Variants in RBFOX1 observed in about 807,000 individuals in gnomAD.
RBFOX1 encodes the protein RNA binding protein fox-1 homolog 1.
RBFOX1 carries 8 observed loss-of-function variants against 57.7 expected under a neutral mutation model. The ratio of observed to expected loss-of-function variants is 0.14; its 90% CI spans 0.08 to 0.25. The LOEUF (loss-of-function observed/expected upper bound fraction) is 0.25, where lower values mean the gene tolerates loss of function less well. RBFOX1 is among the 10% of genes least tolerant of loss of function. The pLI, the probability that RBFOX1 is intolerant of heterozygous loss-of-function variation, is 1.00. For missense variants in RBFOX1, 611 were observed against 548.5 expected, an observed-to-expected ratio of 1.11 and a Z score of -1.14; for synonymous variants, 326 against 222.4, an observed-to-expected ratio of 1.47 and a Z score of -4.15.
At chr16:6,848,132 C>G (rs555566778) in intron 3 of RBFOX1, among the ~76,000 whole-genome samples, 2 of 152,016 alleles carry the variant, frequency 1.3e-5, no homozygotes, top group African/African-American at 2.4e-5. Context: ...TGTGCCCGAT[C>G]CAAGACTGTC....
At chr16:7,551,271 A>G (rs952367820) in intron 5 of RBFOX1, among the ~76,000 whole-genome samples, 1 of 152,080 alleles carries the variant, frequency 6.6e-6, no homozygotes. Context: ...AGAAACAACT[A>G]AAGTTTAGAA....
At chr16:7,411,321 C>G (rs2098422753) in intron 4 of RBFOX1, among the ~76,000 whole-genome samples, 1 of 152,100 alleles carries the variant, frequency 6.6e-6, no homozygotes, top group Non-Finnish European at 1.5e-5. Context: ...CAGGTCTCAT[C>G]CTCCTCAGTT....
intron 4 of RBFOX1, among the ~76,000 whole-genome samples, chr16:5,970,416 T>G (rs1005459832): frequency 2.0e-5 from 3 of 152,192 alleles, no homozygotes; most frequent in Admixed American, 6.5e-5. Flanking sequence ...GTCATTTTTT[T>G]GGGATTAAAA....
intron 3 of RBFOX1, among the ~76,000 whole-genome samples, chr16:6,672,710 G>T (rs548105652): frequency 2.6e-5 from 4 of 152,052 alleles, no homozygotes; most frequent in Non-Finnish European, 5.9e-5. Context: ...TGCTTTTCTT[G>T]GGTTTGGCTT....
At chr16:7,387,806 C>G (rs1053905976) in intron 4 of RBFOX1, among the ~76,000 whole-genome samples, 1 of 152,208 alleles carries the variant, frequency 6.6e-6, no homozygotes, top group Admixed American at 6.5e-5. Flanking sequence ...AAGCTCCGTA[C>G]GTGTAGGGCT....
chr16:6,458,876 T>C (rs2153059487), intron 2 of RBFOX1, among the ~76,000 whole-genome samples: 1 of 152,372 alleles, frequency 6.6e-6, no homozygotes. Context: ...CCAGAATTAC[T>C]GGAGGGTTAG....
intron 4 of RBFOX1, among the ~76,000 whole-genome samples, chr16:7,439,995 A>G (rs1598450403): frequency 7.4e-6 from 1 of 135,398 alleles, no homozygotes; most frequent in South Asian, 2.3e-4. Flanking sequence ...TCTGTCACTC[A>G]GGCTGCAGTG....
At chr16:6,900,304 C>T (rs985180471) in intron 3 of RBFOX1, among the ~76,000 whole-genome samples, 4 of 152,160 alleles carry the variant, frequency 2.6e-5, no homozygotes, top group Admixed American at 6.5e-5. Flanking sequence ...CACGAATATC[C>T]TGTTCCAAGT....
At chr16:7,364,737 C>T (rs1357588441) in intron 4 of RBFOX1, among the ~76,000 whole-genome samples, 1 of 152,130 alleles carries the variant, frequency 6.6e-6, no homozygotes, top group Non-Finnish European at 1.5e-5. Flanking sequence ...AGTCCCAGGG[C>T]AGGGAATACT....
chr16:6,768,979 G>T (rs772650244), intron 3 of RBFOX1, among the ~76,000 whole-genome samples: 4 of 151,996 alleles, frequency 2.6e-5, no homozygotes, highest in Non-Finnish European at 4.4e-5. Context: ...TGCCTGCCTC[G>T]GGCTCCCAAA....
intron 4 of RBFOX1, among the ~76,000 whole-genome samples, chr16:7,213,252 T>G (rs1425302815): frequency 2.0e-5 from 3 of 152,168 alleles, no homozygotes; most frequent in African/African-American, 7.2e-5. Flanking sequence ...TCCCCCTTTA[T>G]CAGTGGTTCC....
At chr16:5,887,245 G>T (rs1389237804) in intron 4 of RBFOX1, among the ~76,000 whole-genome samples, 2 of 152,178 alleles carry the variant, frequency 1.3e-5, no homozygotes, top group Non-Finnish European at 2.9e-5. Flanking sequence ...ATGCATGGCA[G>T]CACAGTCAGC....
chr16:5,817,302 G>A (rs899601497), intron 3 of RBFOX1, among the ~76,000 whole-genome samples: 2 of 152,182 alleles, frequency 1.3e-5, no homozygotes, highest in African/African-American at 4.8e-5. Context: ...CTTCTCCCCA[G>A]TTCCCCTCAC....
intron 3 of RBFOX1, among the ~76,000 whole-genome samples, chr16:7,028,355 A>G (rs1220148865): frequency 2.0e-5 from 3 of 152,094 alleles, no homozygotes; most frequent in Non-Finnish European, 4.4e-5. Context: ...GGCTGGAGTT[A>G]GATGGGATGG....
intron 3 of RBFOX1, among the ~76,000 whole-genome samples, chr16:5,638,625 A>G (rs1278735816): frequency 6.6e-6 from 1 of 152,130 alleles, no homozygotes; most frequent in East Asian, 1.9e-4. Flanking sequence ...TACATCTTGT[A>G]TTCATAAGTT....
intron 3 of RBFOX1, among the ~76,000 whole-genome samples, chr16:5,749,504 AATC>A (rs1433945193): frequency 6.6e-6 from 1 of 152,170 alleles, no homozygotes; most frequent in Non-Finnish European, 1.5e-5. Flanking sequence ...CAGGTACACC[AATC>A]AGATGTAGAT....
At chr16:5,771,038 G>A (rs897557864) in intron 3 of RBFOX1, among the ~76,000 whole-genome samples, 16 of 152,294 alleles carry the variant, frequency 1.1e-4, no homozygotes, top group African/African-American at 3.8e-4. Context: ...TCTCCTGGAG[G>A]AGACGCAAAA....
In RBFOX1 at chr16:6,204,734, C is replaced by T. The variant is rs538918896; in HGVS notation, c.-126-112261C>T. ...GTATGCAGTGTGAAGGGGTTGATTT[C>T]TTTATAATGTTTTTAATTGAGTTGG... On this transcript the variant is annotated intron_variant, in intron 1 of 15. Transcript: ENST00000550418. Among the ~76,000 whole-genome samples the T allele has an allele frequency of 5.9e-5, 9 of 152,154 alleles. No homozygotes were observed. In the South Asian group the frequency reaches 8.3e-4, roughly 14 times the overall value.
intron 3 of RBFOX1, among the ~76,000 whole-genome samples, chr16:7,021,629 TTA>T (rs1227734182): frequency 1.4e-5 from 2 of 147,272 alleles, no homozygotes; most frequent in South Asian, 4.2e-4. Context: ...ATTTTATAAA[TTA>T]TATAAAAATT....
Sources: allele counts gnomAD v4.1 joint callset (sites outside exome capture counted in the v4.1 genomes callset), GRCh38; gene constraint gnomAD v4.1.1; transcripts MANE v1.5; gene names NCBI Gene and HGNC (gene_info 2026-07-23, HGNC 2026-07-21).